BCL2L13: variants seen among roughly 807,000 people sequenced by gnomAD.
BCL2L13 encodes the protein BCL2 like 13, also known as bcl-2-like protein 13.
In BCL2L13, 13 loss-of-function variants were observed where a neutral mutation model predicts 25.8. The observed-to-expected ratio is 0.50, with a 90% CI of 0.33 to 0.80. BCL2L13 has a LOEUF of 0.80. Ranked by LOEUF, BCL2L13 falls within the 30% of genes least tolerant of loss-of-function variation. BCL2L13 has a pLI of 0.02. For synonymous variants in BCL2L13, 244 were observed against 230.3 expected (o/e 1.06, Z -0.54); for missense variants, 504 against 574.9 (o/e 0.88, Z 1.26).
At chr22:17,707,900 G>A (rs1269638424) in intron 6 of BCL2L13, among the ~76,000 whole-genome samples, 1 of 151,862 alleles carries the variant, frequency 6.6e-6, no homozygotes. Flanking sequence ...CAAAAAAAAA[G>A]TGAAACAAAA....
chr22:17,671,900 G>A (rs1481906526), intron 2 of BCL2L13, among the ~76,000 whole-genome samples: 1 of 152,218 alleles, frequency 6.6e-6, no homozygotes, highest in Non-Finnish European at 1.5e-5. Context: ...TTTTAGTAGA[G>A]ATGTCATTTC....
At chr22:17,629,706 C>T (rs1260350782) in intron 1 of BCL2L13, among the ~76,000 whole-genome samples, 1 of 151,978 alleles carries the variant, frequency 6.6e-6, no homozygotes, top group African/African-American at 2.4e-5. Context: ...AGCTTTTTAT[C>T]TTGAAGAAAT....
At chr22:17,685,760 C>CTTTTTCTTTTTTTTTTTTTTTTT (rs1284074134) in intron 3 of BCL2L13, among the ~76,000 whole-genome samples, 2 of 60,520 alleles carry the variant, frequency 3.3e-5, no homozygotes, top group African/African-American at 6.3e-5. Context: ...TTTTCTTTTT[C>CTTTTTCTTTTTTTTTTTTTTTTT]TTTTTTTTTT....
chr22:17,672,127 T>G (rs1055028507), intron 2 of BCL2L13, among the ~76,000 whole-genome samples: 1 of 152,198 alleles, frequency 6.6e-6, no homozygotes, highest in African/African-American at 2.4e-5. Flanking sequence ...CCTTTTTGAT[T>G]TGATTGTAAT....
intron 3 of BCL2L13, among the ~76,000 whole-genome samples, chr22:17,684,893 C>G (rs1026948391): frequency 5.3e-5 from 8 of 151,956 alleles, no homozygotes; most frequent in African/African-American, 1.9e-4. Flanking sequence ...CCACCACACC[C>G]GACTAATTTT....
At chr22:17,670,602 G>A (rs923588830) in intron 2 of BCL2L13, among the ~76,000 whole-genome samples, 7 of 151,894 alleles carry the variant, frequency 4.6e-5, no homozygotes, top group Middle Eastern at 3.2e-3. Flanking sequence ...TCAAGCCCCC[G>A]ACCTCGGCTG....
intron 6 of BCL2L13, among the ~76,000 whole-genome samples, chr22:17,708,474 T>A (rs2060651377): frequency 3.3e-5 from 5 of 152,236 alleles, no homozygotes; most frequent in Admixed American, 2.6e-4. Context: ...AATAATCCTC[T>A]CATAGCATTG....
chr22:17,634,581 G>A (rs750480341), upstream of BCL2L13, among the ~76,000 whole-genome samples: 26 of 152,116 alleles, frequency 1.7e-4, no homozygotes, highest in East Asian at 3.8e-4. Context: ...GAGGGACCGC[G>A]TCTGATGTAC....
chr22:17,649,184 G>A (rs1255052847), intron 1 of BCL2L13, among the ~76,000 whole-genome samples: 2 of 151,520 alleles, frequency 1.3e-5, no homozygotes, highest in Non-Finnish European at 2.9e-5. Flanking sequence ...TGCAACTTCT[G>A]CCTCCCAGGC....
chr22:17,663,799 G>A (rs2059149781), intron 2 of BCL2L13, among the ~76,000 whole-genome samples: 1 of 139,352 alleles, frequency 7.2e-6, no homozygotes, highest in Non-Finnish European at 1.5e-5. Flanking sequence ...CGATTCTCCT[G>A]CCTCAGCCTC....
intron 3 of BCL2L13, among the ~76,000 whole-genome samples, chr22:17,684,087 C>T (rs1480456403): frequency 6.6e-6 from 1 of 151,934 alleles, no homozygotes; most frequent in East Asian, 1.9e-4. Context: ...TAATGCTGCA[C>T]TGAACATCTT....
At chr22:17,673,361 CTTTTTTTTTTT>C (rs35861622) in intron 2 of BCL2L13, among the ~76,000 whole-genome samples, 4 of 115,510 alleles carry the variant, frequency 3.5e-5, no homozygotes, top group Non-Finnish European at 5.3e-5. Flanking sequence ...TCTTTTCTTT[CTTTTTTTTTTT>C]TTTTTTTGAG....
At chr22:17,667,754 C>G (rs149172822) in intron 2 of BCL2L13, among the ~76,000 whole-genome samples, 1,535 of 152,136 alleles carry the variant, frequency 0.01, 32 homozygotes, top group African/African-American at 0.035. Flanking sequence ...AGTGATCTGC[C>G]CGCCTTGGCC....
chr22:17,681,811 C>G (rs896582531), intron 2 of BCL2L13, among the ~76,000 whole-genome samples: 1 of 152,150 alleles, frequency 6.6e-6, no homozygotes, highest in East Asian at 1.9e-4. Flanking sequence ...TGAAAGTTGA[C>G]TGCCTGGGTT....
At chr22:17,639,013 A>C (rs930048681) in intron 1 of BCL2L13, 127 bp downstream of exon 1, 4 of 742,570 alleles carry the variant, frequency 5.4e-6, no homozygotes, top group African/African-American at 1.8e-5. Flanking sequence ...CGTGAGTTTG[A>C]GTGTGTGTGT....
Position 17,727,590 on chromosome 22 carries a change from G to A in BCL2L13, c.*56G>A. ...TGTAAGGTTGGAGTTGTATTGGCTG[G>A]AATTTGAACCTCCAGCAGCTGTCTG... On this transcript the variant is annotated 3_prime_UTR_variant, in exon 7 of 7. Coordinates refer to ENST00000317582, the MANE Select transcript of BCL2L13 (RefSeq NM_015367.4). 6.3e-7 allele frequency: 1 copy of A among 1,590,086 alleles called. No homozygotes were observed. Among genetic ancestry groups the A allele is most frequent in the Non-Finnish European group, 8.6e-7 (1 of 1,167,352 alleles).
At chr22:17,657,424 G>A (rs1006441046) in intron 2 of BCL2L13, among the ~76,000 whole-genome samples, 1 of 152,068 alleles carries the variant, frequency 6.6e-6, no homozygotes, top group Non-Finnish European at 1.5e-5. Context: ...TATAGAAGAC[G>A]TACATGATCC....
chr22:17,715,125 TATATATATATATATATATA>T (rs2060879603), intron 6 of BCL2L13, among the ~76,000 whole-genome samples: 1 of 3,106 alleles, frequency 3.2e-4, no homozygotes. Flanking sequence ...GTTAATTTTA[TATATATATATATATATATA>T]TATATATATA....
intron 6 of BCL2L13, among the ~76,000 whole-genome samples, chr22:17,704,689 A>T (rs1265015624): frequency 6.6e-6 from 1 of 152,076 alleles, no homozygotes; most frequent in Non-Finnish European, 1.5e-5. Context: ...ATAAAATCTC[A>T]GTTAAAGTAT....
Sources: gnomAD v4.1 joint callset for allele counts (sites outside exome capture counted in the v4.1 genomes callset) on GRCh38, gnomAD v4.1.1 for gene constraint, MANE v1.5 for transcripts, NCBI Gene and HGNC (gene_info 2026-07-23, HGNC 2026-07-21) for gene names.